Variants in RARB observed in about 807,000 individuals in gnomAD.
RARB encodes the protein retinoic acid receptor beta, also known as HBV-activated protein.
A neutral mutation model predicts 51.9 loss-of-function variants in RARB; 17 were observed. That is an observed-to-expected ratio of 0.33 (90% CI 0.22 to 0.49). The LOEUF is 0.49. Ranked by LOEUF, RARB falls within the 20% of genes least tolerant of loss-of-function variation. The probability of loss-of-function intolerance (pLI) is 0.99; values close to 1 mark genes in which losing one functional copy is unlikely to be tolerated. For synonymous variants in RARB, 215 were observed against 195.4 expected, an observed-to-expected ratio of 1.10 and a Z score of -0.84; for missense variants, 369 against 550.8, an observed-to-expected ratio of 0.67 and a Z score of 3.30.
chr3:25,214,737 C>G (rs1360842731), intron 5 of RARB, among the ~76,000 whole-genome samples: 2 of 152,148 alleles, frequency 1.3e-5, no homozygotes, highest in African/African-American at 2.4e-5. Context: ...GGGCTAGGTT[C>G]TTTTTGAACA....
chr3:25,149,943 T>C (rs1700255814), intron 4 of RARB, among the ~76,000 whole-genome samples: 1 of 152,200 alleles, frequency 6.6e-6, no homozygotes, highest in Non-Finnish European at 1.5e-5. Context: ...GGCTCACTTC[T>C]GTAATCCCAG....
Position 25,475,405 on chromosome 3 carries a change from G to C in RARB, c.306+14064G>C, listed in dbSNP as rs542305708. Among the ~76,000 whole-genome samples, 14 of 152,160 alleles carry C rather than the reference G, an allele frequency of 9.2e-5. No homozygotes were observed. In the South Asian group the frequency reaches 2.5e-3, roughly 27 times the overall value. ...AAGCTATTATCCAAATAACAAAGGG[G>C]GGGGGATCCCCTGCAAAAAATCACT... On this transcript the variant is annotated intron_variant, in intron 2 of 7. Coordinates refer to ENST00000330688, the MANE Select transcript of RARB (RefSeq NM_000965.5).
At chr3:24,860,655 G>T (rs1297316691) in intron 2 of RARB, among the ~76,000 whole-genome samples, 2 of 152,160 alleles carry the variant, frequency 1.3e-5, no homozygotes, top group Non-Finnish European at 2.9e-5. Context: ...AGAGAGCATT[G>T]CATGCAGTCT....
At chr3:25,452,021 T>A (rs1270683310) in intron 1 of RARB, among the ~76,000 whole-genome samples, 1 of 152,298 alleles carries the variant, frequency 6.6e-6, no homozygotes, top group South Asian at 2.1e-4. Context: ...TGCAAAGCAA[T>A]TAGCTTCGTC....
At chr3:25,200,985 A>C (rs1183233939) in intron 5 of RARB, among the ~76,000 whole-genome samples, 1 of 152,196 alleles carries the variant, frequency 6.6e-6, no homozygotes, top group African/African-American at 2.4e-5. Context: ...GAAGAAAGTC[A>C]TTGGTAGATT....
chr3:24,906,759 C>T (rs914678396), intron 2 of RARB, among the ~76,000 whole-genome samples: 3 of 146,240 alleles, frequency 2.1e-5, no homozygotes, highest in Admixed American at 7.0e-5. Flanking sequence ...GAAGGGAAAT[C>T]GCTTGAACCT....
At chr3:25,424,537 A>T (rs1575390870), upstream of RARB, among the ~76,000 whole-genome samples, 2 of 152,150 alleles carry the variant, frequency 1.3e-5, no homozygotes, top group African/African-American at 4.8e-5. Context: ...GCAAGAGGGG[A>T]TTAACAGGGA....
chr3:25,588,179 A>G lies in RARB; in HGVS notation c.787-5324A>G, dbSNP rs539928882. The stretch of plus-strand genomic sequence containing the variant: ...ATTGTGAAATACTACACAGCAGTGA[A>G]AAAGAATGAACTATTGCTGTGTACA... On this transcript the variant is annotated intron_variant, in intron 5 of 7. Transcript: ENST00000330688. Among the ~76,000 whole-genome samples, 6 of 152,366 alleles carry G rather than the reference A, an allele frequency of 3.9e-5. No homozygotes were observed. The South Asian group carries it at 1.2e-3, about 32-fold the overall frequency.
At chr3:25,237,638 G>T (rs977388523) in intron 5 of RARB, among the ~76,000 whole-genome samples, 2 of 152,078 alleles carry the variant, frequency 1.3e-5, no homozygotes, top group African/African-American at 4.8e-5. Context: ...AATCCAGTGA[G>T]TTTAATTTAT....
At chr3:25,365,947 A>C (rs921874809) in intron 5 of RARB, among the ~76,000 whole-genome samples, 15 of 152,216 alleles carry the variant, frequency 9.9e-5, no homozygotes, top group African/African-American at 3.6e-4. Context: ...GGAAACAGGG[A>C]TCTCACAGCT....
rs115168385 is a variant in RARB, at chr3:25,055,107, C to G, written c.-379-5018C>G. ...GCATTTATTCCATTCTGCTTTTGCT[C>G]AAAAGCAATTCTCAAGAGTAACAAA... On this transcript the variant is annotated intron_variant, in intron 2 of 11. Transcript: ENST00000383772. 3.8e-3 allele frequency among the ~76,000 whole-genome samples: 576 copies of G among 152,154 alleles called. 3 individuals carry two copies. Among genetic ancestry groups the G allele is most frequent in the African/African-American group, 0.013 (556 of 41,526 alleles).
intron 3 of RARB, among the ~76,000 whole-genome samples, chr3:25,082,654 C>A (rs551306123): frequency 6.6e-6 from 1 of 151,922 alleles, no homozygotes; most frequent in Admixed American, 6.6e-5. Context: ...TTGCTTTAAG[C>A]GATCACTTCT....
Position 24,912,639 on chromosome 3 carries a change from G to A in RARB, c.-380+53887G>A, listed in dbSNP as rs186847606. Among the ~76,000 whole-genome samples the A allele has an allele frequency of 7.2e-5, 11 of 152,196 alleles. No individual in the cohort carries two copies. In the East Asian group the frequency reaches 1.7e-3, roughly 24 times the overall value. On this transcript the variant is annotated intron_variant, in intron 2 of 11. Coordinates refer to the RARB transcript ENST00000383772. ...GGGCACAGGGCAATGAACTCCCATC[G>A]CTGGGAGGATTTAAATAGAAGAAGC... is the stretch of plus-strand genomic sequence containing the variant.
At chr3:24,991,761 GT>G (rs77706052) in intron 2 of RARB, among the ~76,000 whole-genome samples, 389 of 143,222 alleles carry the variant, frequency 2.7e-3, no homozygotes, top group South Asian at 7.8e-3. Flanking sequence ...TATGGAGGGT[GT>G]TTTTTTTTTT....
At chr3:25,081,963 G>A (rs906624067) in intron 3 of RARB, among the ~76,000 whole-genome samples, 1 of 151,640 alleles carries the variant, frequency 6.6e-6, no homozygotes, top group Non-Finnish European at 1.5e-5. Flanking sequence ...TCTGTTATTA[G>A]GTGTATATAC....
At chr3:24,838,334 T>C (rs757701995) in intron 1 of RARB, among the ~76,000 whole-genome samples, 4 of 152,150 alleles carry the variant, frequency 2.6e-5, no homozygotes, top group African/African-American at 2.4e-5. Flanking sequence ...GTAACTTTAA[T>C]TACATCTGCA....
chr3:25,538,883 G>T (rs1356714740), intron 3 of RARB, among the ~76,000 whole-genome samples: 1 of 152,184 alleles, frequency 6.6e-6, no homozygotes, highest in African/African-American at 2.4e-5. Flanking sequence ...GTTCAAAGAG[G>T]TAAAAGCAGT....
intron 2 of RARB, chr3:25,020,584 G>A (rs112229341): frequency 6.6e-6 from 1 of 151,946 alleles, no homozygotes; most frequent in Non-Finnish European, 1.5e-5. Context: ...ACCTATGGTG[G>A]TCACATGAAA....
intron 2 of RARB, among the ~76,000 whole-genome samples, chr3:24,872,957 A>C (rs1446536906): frequency 1.3e-5 from 2 of 152,216 alleles, no homozygotes; most frequent in African/African-American, 2.4e-5. Flanking sequence ...AGGAATCAGC[A>C]AACTTTTTCT....
Sources: allele counts gnomAD v4.1 joint callset (sites outside exome capture counted in the v4.1 genomes callset), GRCh38; gene constraint gnomAD v4.1.1; transcripts MANE v1.5; gene names NCBI Gene and HGNC (gene_info 2026-07-23, HGNC 2026-07-21).